BCL2L11: variants seen among roughly 807,000 people sequenced by gnomAD.
The protein encoded by BCL2L11 is BCL2 like 11.
BCL2L11 carries 15 observed loss-of-function variants against 20.6 expected under a neutral mutation model. The ratio of observed to expected loss-of-function variants is 0.73; its 90% CI spans 0.49 to 1.12. The LOEUF (loss-of-function observed/expected upper bound fraction) is 1.12. BCL2L11 is among the 50% of genes most tolerant of loss of function. The pLI is 0.00. For synonymous variants in BCL2L11, 108 were observed against 92.8 expected (o/e 1.16, Z -0.94); for missense variants, 292 against 260.9 (o/e 1.12, Z -0.82).
rs527320106 is a variant in BCL2L11 at position 111,138,300 on chromosome 2, G to T, written c.395-11744G>T. ...CTGAGATTACAGGCGTTGAGCCACT[G>T]CTCCTGGCCACAGGTGGTCTTTTCT... On this transcript the variant is annotated intron_variant, in intron 2 of 3. Transcript: ENST00000393256. Among the ~76,000 whole-genome samples, 131 of 152,322 alleles carry T rather than the reference G, an allele frequency of 8.6e-4. 1 individual carries two copies. The highest frequency in any genetic ancestry group is 2.6e-3 in the African/African-American group (109 of 41,556).
intron 3 of BCL2L11, among the ~76,000 whole-genome samples, chr2:111,158,900 GCT>G (rs1339486663): frequency 1.3e-5 from 2 of 151,958 alleles, no homozygotes; most frequent in African/African-American, 4.8e-5. Context: ...ACACATTTGC[GCT>G]TTCTTAATTT....
At chr2:111,127,569 G>A (rs2072943245) in intron 2 of BCL2L11, among the ~76,000 whole-genome samples, 1 of 152,042 alleles carries the variant, frequency 6.6e-6, no homozygotes, top group Admixed American at 6.5e-5. Context: ...GAGAAGCCCA[G>A]GAGATGTTGA....
At chr2:111,124,355 A>T (rs1302829231) in intron 2 of BCL2L11, among the ~76,000 whole-genome samples, 1 of 151,588 alleles carries the variant, frequency 6.6e-6, no homozygotes, top group Non-Finnish European at 1.5e-5. Context: ...CAGTGGTGCA[A>T]TCTCAGCTCA....
rs116747219 is a variant in BCL2L11 at position 111,127,988 on chromosome 2, C to T, written c.394+3849C>T. ...AATTTACCATCTGAACCATTTATTTCTAAGTGTACTGTTCAGTAGTGTTAA... is the reference window on the plus strand; with the variant it reads ...AATTTACCATCTGAACCATTTATTTTTAAGTGTACTGTTCAGTAGTGTTAA... On this transcript the variant is annotated intron_variant, in intron 2 of 3. Coordinates refer to ENST00000393256, the MANE Select transcript of BCL2L11 (RefSeq NM_138621.5). 5.9e-3 allele frequency among the ~76,000 whole-genome samples: 894 copies of T among 152,164 alleles called. 7 individuals carry two copies. The highest frequency in any genetic ancestry group is 7.3e-3 in the Non-Finnish European group (498 of 68,024).
intron 2 of BCL2L11, among the ~76,000 whole-genome samples, chr2:111,141,244 G>A (rs565801000): frequency 1.3e-5 from 2 of 151,834 alleles, no homozygotes; most frequent in African/African-American, 2.4e-5. Flanking sequence ...ATTCACAATA[G>A]CAAAGACTTG....
chr2:111,134,717 C>A (rs1574992483), intron 2 of BCL2L11, among the ~76,000 whole-genome samples: 2 of 152,212 alleles, frequency 1.3e-5, no homozygotes, highest in East Asian at 1.9e-4. Context: ...AGTAACAACT[C>A]CTCTGAGTTC....
chr2:111,157,285 A>G (rs752410669), intron 3 of BCL2L11, among the ~76,000 whole-genome samples: 1 of 152,196 alleles, frequency 6.6e-6, no homozygotes, highest in African/African-American at 2.4e-5. Context: ...GGAAATGAAG[A>G]TGCACACAAA....
chr2:111,122,979 CG>C, intron 1 of BCL2L11: 1 of 985,474 alleles, frequency 1.0e-6, no homozygotes, highest in Non-Finnish European at 1.2e-6. Flanking sequence ...GAAGGCGGCG[CG>C]GCGCGCACCG....
At chr2:111,150,695 A>G (rs1454085128) in intron 3 of BCL2L11, among the ~76,000 whole-genome samples, 1 of 152,238 alleles carries the variant, frequency 6.6e-6, no homozygotes, top group Admixed American at 6.5e-5. Context: ...GCTAATCAAT[A>G]GCCTGTAATT....
intron 3 of BCL2L11, chr2:111,161,514 G>T: frequency 6.5e-7 from 1 of 1,549,630 alleles, no homozygotes; most frequent in Non-Finnish European, 8.7e-7. Context: ...GTCTCAGGAA[G>T]ACGGTCAAGG....
chr2:111,124,244 T>C (rs1559011699), intron 2 of BCL2L11, 105 bp downstream of exon 2: 2 of 1,338,302 alleles, frequency 1.5e-6, no homozygotes, highest in Non-Finnish European at 2.0e-6. Context: ...GTAACTGATT[T>C]ATTCCATCTT....
At chr2:111,126,597 A>G (rs1034236406) in intron 2 of BCL2L11, among the ~76,000 whole-genome samples, 2 of 152,272 alleles carry the variant, frequency 1.3e-5, no homozygotes, top group East Asian at 1.9e-4. Context: ...AAAATTTACA[A>G]TTTATGTAGT....
At position 111,168,074 on chromosome 2, in the gene BCL2L11, T is replaced by G. The variant is rs1213127583; in HGVS notation, c.*3843T>G. 1 of 152,662 alleles carries G rather than the reference T, an allele frequency of 6.6e-6. No homozygotes were observed. The highest frequency in any genetic ancestry group is 1.5e-5 in the Non-Finnish European group (1 of 68,046). 9.5% of individuals were successfully genotyped at this position (152,662 alleles called of 1,614,324 possible). ...AGTTGGGGTCTACTCTAAACAGCAT[T>G]GTGTGTAAGAAGCATCCTCAAGCTC... On this transcript the variant is annotated 3_prime_UTR_variant, in exon 4 of 4. Transcript: ENST00000393256.
In BCL2L11 at chr2:111,166,418, A is replaced by G. The variant is rs1253986802; in HGVS notation, c.*2187A>G. Reference sequence around the variant, plus strand: ...AGTTCCTGAGGAAATTAGAGATTCTATGAATTGTAGGAGTATTAAAGACCA... The same window carrying G: ...AGTTCCTGAGGAAATTAGAGATTCTGTGAATTGTAGGAGTATTAAAGACCA... On this transcript the variant is annotated 3_prime_UTR_variant, in exon 4 of 4. Transcript: ENST00000393256. 2 of 152,696 alleles carry G rather than the reference A, an allele frequency of 1.3e-5. No individual in the cohort carries two copies. Among genetic ancestry groups the G allele is most frequent in the East Asian group, 1.9e-4 (1 of 5,204 alleles). 9.5% of individuals were successfully genotyped at this position (152,696 alleles called of 1,614,324 possible).
rs56038719 is a variant in BCL2L11, at chr2:111,157,543, A to G, written c.499-6590A>G. ...ATCTGTCTCTTCTCTGTGGTTGGCC[A>G]TAGAACAGTGACGATTTCAGAAGTG... On this transcript the variant is annotated intron_variant, in intron 3 of 3. Coordinates refer to ENST00000393256, the MANE Select transcript of BCL2L11 (RefSeq NM_138621.5). 4.1e-3 allele frequency among the ~76,000 whole-genome samples: 631 copies of G among 152,246 alleles called. 3 individuals carry two copies. The highest frequency in any genetic ancestry group is 0.014 in the African/African-American group (564 of 41,558).
chr2:111,162,764 C>T (rs1236038380), intron 3 of BCL2L11: 3 of 152,200 alleles, frequency 2.0e-5, no homozygotes, highest in Non-Finnish European at 4.4e-5. Flanking sequence ...CCCATCATAG[C>T]GTACACTTTC....
intron 2 of BCL2L11, among the ~76,000 whole-genome samples, chr2:111,139,238 T>C (rs969079374): frequency 2.6e-5 from 4 of 152,258 alleles, no homozygotes; most frequent in African/African-American, 9.6e-5. Flanking sequence ...CCTCAGCTTC[T>C]TGGGTAAATC....
At position 111,121,081 on chromosome 2, in the gene BCL2L11, A is replaced by C; in HGVS notation, c.-121A>C. ...AACCCTGCCACACTGCGATCGCATC[A>C]TCGCGGTATTCGGTTCGCTGCGTTC... On this transcript the variant is annotated 5_prime_UTR_variant, in exon 1 of 4. Coordinates refer to ENST00000393256, the MANE Select transcript of BCL2L11 (RefSeq NM_138621.5). 3.1e-6 allele frequency: 1 copy of C among 326,198 alleles called. No homozygotes were observed. The highest frequency in any genetic ancestry group is 5.5e-6 in the Non-Finnish European group (1 of 180,218). 20.2% of individuals were successfully genotyped at this position (326,198 alleles called of 1,614,324 possible). A position where few individuals can be genotyped will look rare whatever the true frequency, so the allele number is the denominator to read the frequency against.
chr2:111,122,781 C>T, intron 1 of BCL2L11: 1 of 985,322 alleles, frequency 1.0e-6, no homozygotes, highest in Non-Finnish European at 1.2e-6. Flanking sequence ...GCCGGGGACT[C>T]TGAACCCGAG....
Sources: allele counts gnomAD v4.1 joint callset (sites outside exome capture counted in the v4.1 genomes callset), GRCh38; gene constraint gnomAD v4.1.1; transcripts MANE v1.5; gene names NCBI Gene and HGNC (gene_info 2026-07-23, HGNC 2026-07-21).